Variants in PPIG observed in about 807,000 individuals in gnomAD.
The protein encoded by PPIG is peptidylprolyl isomerase G.
Under a neutral mutation model 87.9 loss-of-function variants are expected in PPIG, and 26 were observed. That is an observed-to-expected ratio of 0.30 (90% confidence interval 0.22 to 0.41). The LOEUF (loss-of-function observed/expected upper bound fraction) is 0.41, where lower values mean the gene tolerates loss of function less well. Among genes scored for constraint, PPIG ranks in the 10% least tolerant of loss-of-function variants. The pLI is 1.00. For synonymous variants in PPIG, 308 were observed against 276.5 expected, an observed-to-expected ratio of 1.11 and a Z score of -1.13; for missense variants, 722 against 879.4, an observed-to-expected ratio of 0.82 and a Z score of 2.26.
intron 9 of PPIG, among the ~76,000 whole-genome samples, chr2:169,624,664 T>C (rs1356872158): frequency 6.6e-6 from 1 of 152,218 alleles, no homozygotes; most frequent in African/African-American, 2.4e-5. Flanking sequence ...CTCGGCTCAC[T>C]GCAAGCTCCA....
chr2:169,636,116 A>G lies in PPIG; in HGVS notation c.1042A>G (p.Arg348Gly), dbSNP rs764189665. The change falls in exon 13 of 14, where the codon AGA becomes GGA. Residue 348 changes from arginine to glycine, a missense_variant. By Grantham distance (125) the Arg-to-Gly change is moderately radical. This residue lies in a region of PPIG where 476 missense variants were observed against 483.1 expected (regional missense o/e 0.99). Transcript: ENST00000260970. ...GCGTTATCGAACTCCTTCCAGATCC[A>G]GATCAAGGGATCGTTTCAGACGTAG... ...PRRYRTPSRSRSRDRFRRSET... is the reference protein window; with the variant it reads ...PRRYRTPSRSGSRDRFRRSET... 2 of 1,605,024 alleles carry G rather than the reference A, an allele frequency of 1.2e-6. No individual in the cohort carries two copies. The highest frequency in any genetic ancestry group is 2.2e-5 in the South Asian group (2 of 89,422).
intron 9 of PPIG, 121 bp downstream of exon 9, chr2:169,614,845 A>G: frequency 8.4e-7 from 1 of 1,189,166 alleles, no homozygotes; most frequent in Non-Finnish European, 1.2e-6. Context: ...TTGTTTTAAA[A>G]TGTATTTCTG....
chr2:169,629,560 T>G (rs1218481583), intron 9 of PPIG, among the ~76,000 whole-genome samples: 1 of 152,226 alleles, frequency 6.6e-6, no homozygotes, highest in Non-Finnish European at 1.5e-5. Flanking sequence ...AAAAGGTAGG[T>G]CATTTGTCAT....
chr2:169,621,276 C>CATT, intron 9 of PPIG, among the ~76,000 whole-genome samples: 1 of 151,554 alleles, frequency 6.6e-6, no homozygotes, highest in Non-Finnish European at 1.5e-5. Context: ...ATGGAGAAGG[C>CATT]AAAATGATTA....
intron 2 of PPIG, 29 bp from the exon 3 acceptor site, chr2:169,603,997 G>A: frequency 6.4e-7 from 1 of 1,554,688 alleles, no homozygotes; most frequent in Non-Finnish European, 8.8e-7. Context: ...ATTTTAGTCT[G>A]CTTGTCTGAA....
intron 1 of PPIG, among the ~76,000 whole-genome samples, chr2:169,596,081 G>A (rs1338917093): frequency 6.7e-6 from 1 of 149,968 alleles, no homozygotes; most frequent in Non-Finnish European, 1.5e-5. Flanking sequence ...TGGGATTACA[G>A]GCCTGAGCCA....
intron 9 of PPIG, among the ~76,000 whole-genome samples, 194 bp downstream of exon 9, chr2:169,614,918 A>T (rs1479525934): frequency 6.6e-6 from 1 of 152,110 alleles, no homozygotes; most frequent in African/African-American, 2.4e-5. Flanking sequence ...GAACAATATG[A>T]TGTTTTGAAG....
At chr2:169,633,442 T>G in intron 12 of PPIG, 195 bp downstream of exon 12, 1 of 607,466 alleles carries the variant, frequency 1.6e-6, no homozygotes, top group Non-Finnish European at 2.9e-6. Flanking sequence ...CCATGAGATA[T>G]GAATAGATTT....
intron 4 of PPIG, among the ~76,000 whole-genome samples, chr2:169,605,757 C>T (rs932394568): frequency 1.3e-5 from 2 of 152,138 alleles, no homozygotes; most frequent in African/African-American, 4.8e-5. Flanking sequence ...CAAGATCGTG[C>T]CACCGCACTG....
At chr2:169,584,967 G>A (rs1249650028) in intron 1 of PPIG, 2 of 175,182 alleles carry the variant, frequency 1.1e-5, no homozygotes, top group Non-Finnish European at 2.4e-5. Context: ...GTTGGAGAGT[G>A]ACGGGCGAAG....
chr2:169,607,095 C>T lies in PPIG; in HGVS notation c.245-9C>T. 1.9e-6 allele frequency: 3 copies of T among 1,558,292 alleles called. No individual in the cohort carries two copies. Among genetic ancestry groups the T allele is most frequent in the Non-Finnish European group, 2.6e-6 (3 of 1,135,152 alleles). On this transcript the variant is annotated splice_polypyrimidine_tract_variant and intron_variant, in intron 5 of 13. Coordinates refer to ENST00000260970, the MANE Select transcript of PPIG (RefSeq NM_004792.3). Reference sequence around the variant, plus strand: ...CTGAGAGTTATAAGAGTATGTTTTTCATTTTTAGGAAATGGACGAGGAGGG... The same window carrying T: ...CTGAGAGTTATAAGAGTATGTTTTTTATTTTTAGGAAATGGACGAGGAGGG...
chr2:169,609,826 A>T (rs1685436828), intron 7 of PPIG, among the ~76,000 whole-genome samples: 1 of 152,198 alleles, frequency 6.6e-6, no homozygotes, highest in South Asian at 2.1e-4. Context: ...ATTGATGCTA[A>T]ATTTAGAGGG....
chr2:169,629,827 C>T (rs1685988703), intron 9 of PPIG, among the ~76,000 whole-genome samples: 1 of 152,200 alleles, frequency 6.6e-6, no homozygotes, highest in Non-Finnish European at 1.5e-5. Context: ...TATTTCCCTT[C>T]ATTCATTTCA....
intron 1 of PPIG, among the ~76,000 whole-genome samples, chr2:169,597,112 T>G (rs1346622445): frequency 2.0e-5 from 3 of 152,212 alleles, no homozygotes; most frequent in African/African-American, 7.2e-5. Context: ...CTCCTTGATA[T>G]ATGATTTCCT....
At chr2:169,605,053 G>T (rs1339029354) in intron 4 of PPIG, among the ~76,000 whole-genome samples, 1 of 152,094 alleles carries the variant, frequency 6.6e-6, no homozygotes, top group African/African-American at 2.4e-5. Flanking sequence ...CAAATAATCG[G>T]CCAGGCGTGG....
chr2:169,606,244 T>C (rs2105489793), intron 5 of PPIG, 98 bp downstream of exon 5: 1 of 840,416 alleles, frequency 1.2e-6, no homozygotes, highest in African/African-American at 1.7e-5. Flanking sequence ...TTCTTGTCAC[T>C]CTCACTCCAT....
intron 9 of PPIG, among the ~76,000 whole-genome samples, chr2:169,618,688 T>A (rs1389700787): frequency 6.6e-6 from 1 of 152,196 alleles, no homozygotes; most frequent in African/African-American, 2.4e-5. Context: ...TTCTATGGGA[T>A]CAGTGGTGAT....
In PPIG at chr2:169,598,836, T is replaced by C. The variant is rs571157281; in HGVS notation, c.-69-4806T>C. 3.6e-4 allele frequency among the ~76,000 whole-genome samples: 25 copies of C among 69,696 alleles called. 2 individuals carry two copies. In the South Asian group the frequency reaches 0.012, roughly 34 times the overall value. The allele number at this position is 69,696 out of a possible 152,430, so 45.7% of individuals were successfully genotyped here. ...ATATTTATATAAATACAGGTAAATA[T>C]TTATATGTATATAAATACAGGTAAA... On this transcript the variant is annotated intron_variant, in intron 1 of 13. Coordinates refer to ENST00000260970, the MANE Select transcript of PPIG (RefSeq NM_004792.3).
intron 1 of PPIG, among the ~76,000 whole-genome samples, chr2:169,586,439 T>C (rs544876496): frequency 5.3e-5 from 8 of 152,316 alleles, no homozygotes; most frequent in African/African-American, 1.9e-4. Context: ...GGCTTGAAAA[T>C]TAAATACTCA....
Sources: gnomAD v4.1 joint callset for allele counts (sites outside exome capture counted in the v4.1 genomes callset) on GRCh38, gnomAD v4.1.1 for gene constraint, gnomAD v4.1.1 regional missense constraint, MANE v1.5 for transcripts, NCBI Gene and HGNC (gene_info 2026-07-23, HGNC 2026-07-21) for gene names.